SGK3: variants seen among roughly 807,000 people sequenced by gnomAD.
The protein encoded by SGK3 is serine/threonine-protein kinase Sgk3.
A neutral mutation model predicts 68.5 loss-of-function variants in SGK3; 47 were observed. That is an observed-to-expected ratio of 0.69 (90% CI 0.54 to 0.87). SGK3 has a LOEUF of 0.87. Among genes scored for constraint, SGK3 ranks in the 40% least tolerant of loss-of-function variants. The pLI, the probability that SGK3 is intolerant of heterozygous loss-of-function variation, is 0.00. For synonymous variants in SGK3, 181 were observed against 189.1 expected, an observed-to-expected ratio of 0.96 and a Z score of 0.35; for missense variants, 479 against 575.5, an observed-to-expected ratio of 0.83 and a Z score of 1.72.
chr8:66,858,636 TCTC>T (rs1191247724), intron 16 of SGK3, among the ~76,000 whole-genome samples: 1 of 152,092 alleles, frequency 6.6e-6, no homozygotes, highest in Non-Finnish European at 1.5e-5. Context: ...TACTTTTCTG[TCTC>T]CTCCCCCAAC....
intron 1 of SGK3, among the ~76,000 whole-genome samples, chr8:66,738,983 G>T (rs189767505): frequency 1.3e-5 from 2 of 152,108 alleles, no homozygotes; most frequent in Non-Finnish European, 2.9e-5. Context: ...CCCTTCATAC[G>T]CTGCCTCCCA....
At chr8:66,775,060 C>A (rs1806639679) in intron 1 of SGK3, 1 of 152,372 alleles carries the variant, frequency 6.6e-6, no homozygotes, top group African/African-American at 2.4e-5. Context: ...GGCCCTGGGG[C>A]TGCACCCCAC....
At chr8:66,807,512 G>A (rs1027736667) in intron 4 of SGK3, among the ~76,000 whole-genome samples, 4 of 152,100 alleles carry the variant, frequency 2.6e-5, no homozygotes, top group Non-Finnish European at 4.4e-5. Flanking sequence ...TGTCTATCCT[G>A]CGTATATTTA....
chr8:66,821,931 A>T (rs1808847851), intron 5 of SGK3, among the ~76,000 whole-genome samples: 1 of 151,646 alleles, frequency 6.6e-6, no homozygotes, highest in Non-Finnish European at 1.5e-5. Context: ...CTTTTCAGAA[A>T]AGTTGCTTCA....
At chr8:66,821,901 TACCAAGTATTGCCAG>T (rs1808846726) in intron 5 of SGK3, among the ~76,000 whole-genome samples, 1 of 151,984 alleles carries the variant, frequency 6.6e-6, no homozygotes, top group Non-Finnish European at 1.5e-5. Flanking sequence ...TACACAGTTT[TACCAAGTATTGCCAG>T]ATTGCTTTTC....
rs150450490 is a variant in SGK3 at position 66,813,782 on chromosome 8, A to G, written c.254-71A>G. On this transcript the variant is annotated intron_variant, in intron 4 of 16. Transcript: ENST00000521198. ...AAAATTCACTATCTTGTGCTTGTCT[A>G]TTATATAACTGTTGATGATAATTGC... 2.6e-4 allele frequency: 343 copies of G among 1,337,358 alleles called. 1 individual carries two copies. The African/African-American group carries it at 4.0e-3, about 16-fold the overall frequency. The allele number at this position is 1,337,358 out of a possible 1,614,324, so 82.8% of individuals were successfully genotyped here.
chr8:66,847,499 C>G, intron 15 of SGK3, 151 bp downstream of exon 15: 1 of 1,279,556 alleles, frequency 7.8e-7, no homozygotes, highest in Non-Finnish European at 1.1e-6. Context: ...ACAGTTTTCA[C>G]CTGTATTTAT....
At chr8:66,783,573 A>G (rs901418160) in intron 1 of SGK3, among the ~76,000 whole-genome samples, 2 of 152,194 alleles carry the variant, frequency 1.3e-5, no homozygotes, top group African/African-American at 4.8e-5. Context: ...CCTGGAGTAC[A>G]GTGATGCGAT....
chr8:66,844,676 A>G lies in SGK3; in HGVS notation c.1074+1129A>G, dbSNP rs190397145. Among the ~76,000 whole-genome samples the G allele has an allele frequency of 3.2e-4, 48 of 152,292 alleles. No individual in the cohort carries two copies. The East Asian group carries it at 8.1e-3, about 26-fold the overall frequency. Reference sequence around the variant, plus strand: ...TGTGCGAATCCCTGAGGCTGCTGCTACCGCTGATGTTAAATGCCACTGTCA... The same window carrying G: ...TGTGCGAATCCCTGAGGCTGCTGCTGCCGCTGATGTTAAATGCCACTGTCA... On this transcript the variant is annotated intron_variant, in intron 14 of 16. Coordinates refer to ENST00000521198, the MANE Select transcript of SGK3 (RefSeq NM_001033578.3).
At chr8:66,717,519 C>T (rs2130320414) in intron 1 of SGK3, among the ~76,000 whole-genome samples, 1 of 152,038 alleles carries the variant, frequency 6.6e-6, no homozygotes. Context: ...CAGAGTGAGA[C>T]TCCTTCTCAA....
intron 1 of SGK3, among the ~76,000 whole-genome samples, chr8:66,751,914 A>T (rs1400112844): frequency 3.9e-5 from 6 of 151,908 alleles, no homozygotes; most frequent in Non-Finnish European, 8.8e-5. Context: ...TGGAGGCATA[A>T]GCCACCACAG....
intron 5 of SGK3, among the ~76,000 whole-genome samples, chr8:66,816,940 C>T (rs1339021851): frequency 2.0e-5 from 3 of 152,160 alleles, no homozygotes; most frequent in Admixed American, 1.3e-4. Flanking sequence ...AAGCAGTTCT[C>T]TCACTTCAGC....
At chr8:66,821,110 G>A (rs936653236) in intron 5 of SGK3, among the ~76,000 whole-genome samples, 16 of 152,050 alleles carry the variant, frequency 1.1e-4, no homozygotes, top group South Asian at 4.2e-4. Flanking sequence ...AGAGGGTGCC[G>A]GGTATGGAGA....
At chr8:66,771,982 C>T (rs933569660) in intron 1 of SGK3, among the ~76,000 whole-genome samples, 6 of 148,884 alleles carry the variant, frequency 4.0e-5, no homozygotes, top group African/African-American at 1.5e-4. Context: ...ACTGGTGTTA[C>T]TTCAGTATCA....
chr8:66,752,229 G>T (rs1805839374), intron 1 of SGK3, among the ~76,000 whole-genome samples: 1 of 152,166 alleles, frequency 6.6e-6, no homozygotes, highest in African/African-American at 2.4e-5. Flanking sequence ...AGACAAGACA[G>T]CAGGTGTGGA....
chr8:66,784,510 G>T (rs1466640341), intron 1 of SGK3, among the ~76,000 whole-genome samples: 1 of 152,130 alleles, frequency 6.6e-6, no homozygotes, highest in Non-Finnish European at 1.5e-5. Context: ...CAATCTTTAT[G>T]ATGGGTTAAG....
chr8:66,754,046 C>G (rs1395208555), intron 1 of SGK3, among the ~76,000 whole-genome samples: 2 of 152,112 alleles, frequency 1.3e-5, no homozygotes, highest in African/African-American at 2.4e-5. Flanking sequence ...GCTGGAGGCT[C>G]TTTGGAGCTT....
chr8:66,783,643 G>A (rs1403494380), intron 1 of SGK3, among the ~76,000 whole-genome samples: 4 of 151,800 alleles, frequency 2.6e-5, no homozygotes, highest in Non-Finnish European at 4.4e-5. Flanking sequence ...TCAGCCTCCC[G>A]AGTAGCTGAG....
At chr8:66,802,604 C>G (rs1476827083) in intron 3 of SGK3, among the ~76,000 whole-genome samples, 1 of 150,704 alleles carries the variant, frequency 6.6e-6, no homozygotes, top group Non-Finnish European at 1.5e-5. Context: ...GGGAGGATCA[C>G]TTGAGCCCAG....
Sources: allele counts gnomAD v4.1 joint callset (sites outside exome capture counted in the v4.1 genomes callset), GRCh38; gene constraint gnomAD v4.1.1; transcripts MANE v1.5; gene names NCBI Gene and HGNC (gene_info 2026-07-23, HGNC 2026-07-21).